The following FRMD3 variants were observed in gnomAD, a reference collection of about 807,000 sequenced individuals.
The protein encoded by FRMD3 is FERM domain-containing protein 3.
A neutral mutation model predicts 70.2 loss-of-function variants in FRMD3; 33 were observed. The observed-to-expected ratio is 0.47, with a 90% CI of 0.36 to 0.63. The LOEUF is 0.63. Ranked by LOEUF, FRMD3 falls within the 20% of genes least tolerant of loss-of-function variation. FRMD3 has a pLI of 0.00. For missense variants in FRMD3, 632 were observed against 711.4 expected (o/e 0.89, Z 1.27); for synonymous variants, 279 against 255.9 (o/e 1.09, Z -0.86).
rs371814253 is a variant in FRMD3, at chr9:83,290,634, G to A, written c.1164C>T (p.Ser388=). ...CCAGAGGAAGTTCTTCTTCTTGCTC[G>A]CTGGGGGAAGGAAGCAGGGGCTGCA... is the stretch of plus-strand genomic sequence containing the variant. ...EPLQPLLPSP[S]EQEEELPLGE... Residue 388 remains serine, a synonymous_variant, in exon 13 of 14, where the codon AGC becomes AGT. Transcript: ENST00000304195. The A allele has an allele frequency of 8.1e-6, 13 of 1,613,904 alleles. No homozygotes were observed. Among genetic ancestry groups the A allele is most frequent in the African/African-American group, 5.3e-5 (4 of 74,902 alleles).
Position 83,374,633 on chromosome 9 carries a change from A to G in FRMD3, c.253-1678T>C, listed in dbSNP as rs1276233950. On this transcript the variant is annotated intron_variant, in intron 2 of 13. Transcript: ENST00000304195. ...CCTCGACTATAAAATGGGAACAGTA[A>G]TCACATCCACCTCTTAGGGCCATTG... 2.0e-5 allele frequency among the ~76,000 whole-genome samples: 3 copies of G among 152,330 alleles called. No individual in the cohort carries two copies. The East Asian group carries it at 5.8e-4, about 29-fold the overall frequency.
intron 5 of FRMD3, among the ~76,000 whole-genome samples, chr9:83,342,587 TG>T (rs1311353258): frequency 6.6e-6 from 1 of 152,172 alleles, no homozygotes; most frequent in Non-Finnish European, 1.5e-5. Context: ...CTCCTCACCA[TG>T]CCCACAGCTA....
chr9:83,320,988 T>C (rs1244772861), intron 6 of FRMD3, among the ~76,000 whole-genome samples: 1 of 152,210 alleles, frequency 6.6e-6, no homozygotes, highest in Non-Finnish European at 1.5e-5. Context: ...CTGTTCATAA[T>C]AGTCTCTGAT....
At chr9:83,410,889 G>C (rs1290192363) in intron 1 of FRMD3, among the ~76,000 whole-genome samples, 1 of 152,130 alleles carries the variant, frequency 6.6e-6, no homozygotes, top group Non-Finnish European at 1.5e-5. Flanking sequence ...CTCAACTACA[G>C]ACCAGAATGA....
intron 6 of FRMD3, among the ~76,000 whole-genome samples, chr9:83,329,424 T>C (rs1836156416): frequency 6.6e-6 from 1 of 152,178 alleles, no homozygotes; most frequent in South Asian, 2.1e-4. Flanking sequence ...TTTTACACAA[T>C]AAACACACTT....
chr9:83,519,511 T>G lies in FRMD3; in HGVS notation c.147+18574A>C, dbSNP rs796821233. Among the ~76,000 whole-genome samples, 20 of 152,288 alleles carry G rather than the reference T, an allele frequency of 1.3e-4. 1 individual carries two copies. The highest frequency in any genetic ancestry group is 4.6e-4 in the African/African-American group (19 of 41,556). On this transcript the variant is annotated intron_variant, in intron 1 of 13. Transcript: ENST00000304195. ...GAAACAACATATGCTGGAGAGGATG[T>G]GGAGAAATAGGAACGCTTTTGCACT...
chr9:83,335,673 A>C, intron 5 of FRMD3, 34 bp from the exon 6 acceptor site: 2 of 1,600,326 alleles, frequency 1.2e-6, no homozygotes, highest in Non-Finnish European at 1.7e-6. Context: ...AGACAGAGAA[A>C]GATTAAAAAC....
chr9:83,290,947 G>A (rs372085349), intron 12 of FRMD3, among the ~76,000 whole-genome samples: 4 of 152,082 alleles, frequency 2.6e-5, no homozygotes, highest in African/African-American at 7.2e-5. Flanking sequence ...GCAACTCAAC[G>A]AAAGAAAATA....
chr9:83,309,513 T>C, intron 10 of FRMD3, 23 bp downstream of exon 10: 1 of 1,436,510 alleles, frequency 7.0e-7, no homozygotes, highest in Non-Finnish European at 9.6e-7. Context: ...AAAGCTATAA[T>C]TAAATGAATA....
At chr9:83,548,751 T>C in the FRMD3 span, among the ~76,000 whole-genome samples, 3 of 152,154 alleles carry the variant, frequency 2.0e-5, no homozygotes, top group Admixed American at 6.6e-5. Flanking sequence ...AATGTGTCTA[T>C]ATTTTTTCAT....
intron 1 of FRMD3, among the ~76,000 whole-genome samples, chr9:83,446,626 G>C (rs543075125): frequency 7.6e-6 from 1 of 130,826 alleles, no homozygotes; most frequent in Non-Finnish European, 1.5e-5. Flanking sequence ...CAGCCTGGGC[G>C]ACAGAGCAAG....
intron 2 of FRMD3, among the ~76,000 whole-genome samples, chr9:83,386,613 A>G (rs746563274): frequency 3.3e-5 from 5 of 152,216 alleles, no homozygotes; most frequent in African/African-American, 7.2e-5. Flanking sequence ...ATCCTGTGTA[A>G]TCACAGTACA....
intron 1 of FRMD3, among the ~76,000 whole-genome samples, chr9:83,529,040 T>C (rs896642383): frequency 4.6e-5 from 7 of 152,248 alleles, no homozygotes; most frequent in Admixed American, 2.0e-4. Flanking sequence ...AGCAGCATTG[T>C]TTTGCAAATA....
At chr9:83,458,000 C>CA (rs10555580) in intron 1 of FRMD3, among the ~76,000 whole-genome samples, 14,513 of 87,776 alleles carry the variant, frequency 0.17, 1,143 homozygotes, top group East Asian at 0.21. Flanking sequence ...TATTACCTCT[C>CA]AAAAAAAAAA....
At chr9:83,410,973 T>C (rs999515674) in intron 1 of FRMD3, among the ~76,000 whole-genome samples, 4 of 152,210 alleles carry the variant, frequency 2.6e-5, no homozygotes, top group Non-Finnish European at 4.4e-5. Context: ...AGGCAAATGG[T>C]ACATTTTGCT....
chr9:83,551,677 T>A, the FRMD3 span, among the ~76,000 whole-genome samples: 1 of 152,172 alleles, frequency 6.6e-6, no homozygotes, highest in Non-Finnish European at 1.5e-5. Context: ...ATTCAGGGAA[T>A]CAATTTCTTC....
chr9:83,568,127 T>C, the FRMD3 span, among the ~76,000 whole-genome samples: 411 of 152,290 alleles, frequency 2.7e-3, 2 homozygotes, highest in African/African-American at 9.2e-3. Context: ...ATTTCTTACA[T>C]GGCAGCAGCA....
At chr9:83,283,022 TACAAAA>T (rs1834029534) in intron 13 of FRMD3, among the ~76,000 whole-genome samples, 1 of 150,630 alleles carries the variant, frequency 6.6e-6, no homozygotes. Flanking sequence ...TGTCAGTAAA[TACAAAA>T]ACAAAAAAAA....
chr9:83,384,606 C>T (rs569710184), intron 2 of FRMD3, among the ~76,000 whole-genome samples: 75 of 152,224 alleles, frequency 4.9e-4, no homozygotes, highest in Middle Eastern at 3.4e-3. Flanking sequence ...AGGGTTGTGA[C>T]GGTGGGGGAT....
Sources: gnomAD v4.1 joint callset for allele counts (sites outside exome capture counted in the v4.1 genomes callset) on GRCh38, gnomAD v4.1.1 for gene constraint, MANE v1.5 for transcripts, NCBI Gene and HGNC (gene_info 2026-07-23, HGNC 2026-07-21) for gene names.